Variants in BRSK2 observed in about 807,000 individuals in gnomAD.
BRSK2 encodes BR serine/threonine kinase 2.
BRSK2 carries 19 observed loss-of-function variants against 83.3 expected under a neutral mutation model. That is an observed-to-expected ratio of 0.23 (90% CI 0.16 to 0.33). BRSK2 has a LOEUF of 0.33. Ranked by LOEUF, BRSK2 falls within the 10% of genes least tolerant of loss-of-function variation. BRSK2 has a pLI of 1.00. For synonymous variants in BRSK2, 519 were observed against 435.4 expected (o/e 1.19, Z -2.39); for missense variants, 798 against 1,042.3 (o/e 0.77, Z 3.23).
chr11:1,397,398 T>TC (rs1227582825), intron 1 of BRSK2, among the ~76,000 whole-genome samples: 2 of 152,196 alleles, frequency 1.3e-5, no homozygotes, highest in Non-Finnish European at 2.9e-5. Context: ...GGGCCAGTGT[T>TC]CTGGGCCCAG....
intron 18 of BRSK2, among the ~76,000 whole-genome samples, chr11:1,457,933 G>C (rs570092911): frequency 6.6e-6 from 1 of 152,198 alleles, no homozygotes; most frequent in Non-Finnish European, 1.5e-5. Context: ...CTGGCACAGC[G>C]GGTAAGGAGG....
At chr11:1,453,526 A>G (rs978257554) in intron 15 of BRSK2, among the ~76,000 whole-genome samples, 5 of 152,206 alleles carry the variant, frequency 3.3e-5, no homozygotes, top group African/African-American at 7.2e-5. Context: ...TTTTGAACCC[A>G]GAACAGACAG....
intron 16 of BRSK2, among the ~76,000 whole-genome samples, chr11:1,456,043 C>T (rs1488831860): frequency 2.0e-5 from 3 of 152,218 alleles, no homozygotes; most frequent in Non-Finnish European, 2.9e-5. Flanking sequence ...CTTCCACCTC[C>T]ATCTTTGCCC....
intron 1 of BRSK2, chr11:1,409,852 G>C (rs1385938062): frequency 6.6e-6 from 1 of 152,172 alleles, no homozygotes; most frequent in East Asian, 1.9e-4. Flanking sequence ...GAAGAGCCCT[G>C]CGTGCAGGTG....
At chr11:1,437,252 G>A (rs1044283339) in intron 2 of BRSK2, among the ~76,000 whole-genome samples, 3 of 152,154 alleles carry the variant, frequency 2.0e-5, no homozygotes, top group Non-Finnish European at 2.9e-5. Context: ...GCTGTGCACA[G>A]ATGTCCGCCT....
In BRSK2 at chr11:1,461,053, C is replaced by T; in HGVS notation, c.*330C>T. 6.2e-7 allele frequency: 1 copy of T among 1,604,968 alleles called. No homozygotes were observed. Among genetic ancestry groups the T allele is most frequent in the Non-Finnish European group, 8.5e-7 (1 of 1,175,514 alleles). On this transcript the variant is annotated 3_prime_UTR_variant, in exon 20 of 20. Coordinates refer to ENST00000528841, the MANE Select transcript of BRSK2 (RefSeq NM_001256627.2). ...CAGCTGCTGCGGACCCGCCCTCCCT[C>T]CGCTCCTGCTGTTGCTGCCGGGCAG...
At chr11:1,406,981 G>A (rs998543688) in intron 1 of BRSK2, among the ~76,000 whole-genome samples, 9 of 152,208 alleles carry the variant, frequency 5.9e-5, no homozygotes, top group Admixed American at 2.6e-4. Flanking sequence ...ACGTGTGTGC[G>A]CATGTGTGTG....
chr11:1,433,311 C>T (rs1218046058), intron 1 of BRSK2, among the ~76,000 whole-genome samples: 2 of 152,242 alleles, frequency 1.3e-5, no homozygotes, highest in East Asian at 1.9e-4. Context: ...ACCACAGCCT[C>T]CCTCCTGCTT....
At chr11:1,445,947 C>T (rs1851991670) in intron 12 of BRSK2, 40 bp downstream of exon 12, 2 of 1,569,308 alleles carry the variant, frequency 1.3e-6, no homozygotes, top group South Asian at 1.2e-5. Flanking sequence ...CCTCCCTGGG[C>T]CCTGGCTGCG....
At chr11:1,436,205 CAAGGTTGTGGG>C in intron 2 of BRSK2, 71 bp downstream of exon 2, 1 of 378,926 alleles carries the variant, frequency 2.6e-6, no homozygotes, top group Non-Finnish European at 3.6e-6. Context: ...GGGTGGGAGC[CAAGGTTGTGGG>C]GACCTGCGGT....
intron 19 of BRSK2, chr11:1,459,522 G>A (rs1228448415): frequency 2.1e-6 from 1 of 486,806 alleles, no homozygotes; most frequent in Non-Finnish European, 3.8e-6. Context: ...AAGCCAGTGA[G>A]GGTCCCGCTG....
intron 1 of BRSK2, among the ~76,000 whole-genome samples, chr11:1,401,460 C>T (rs772385812): frequency 3.3e-5 from 5 of 152,214 alleles, no homozygotes; most frequent in Non-Finnish European, 5.9e-5. Context: ...GGTCCAGGGT[C>T]GCTCAGGAGC....
At chr11:1,445,525 G>A (rs932234252) in intron 10 of BRSK2, 46 bp from the exon 11 acceptor site, 15 of 1,601,420 alleles carry the variant, frequency 9.4e-6, no homozygotes, top group African/African-American at 2.7e-5. Context: ...CGGAGGAGCC[G>A]GCGGCCCCGT....
chr11:1,440,747 GCAGCCA>G, intron 3 of BRSK2, 35 bp from the exon 4 acceptor site: 1 of 1,536,822 alleles, frequency 6.5e-7, no homozygotes, highest in Non-Finnish European at 8.8e-7. Context: ...GGGGCGGCGG[GCAGCCA>G]CAGCTGGGCG....
intron 1 of BRSK2, chr11:1,409,822 A>G (rs1164813477): frequency 6.6e-6 from 1 of 152,038 alleles, no homozygotes; most frequent in Non-Finnish European, 1.5e-5. Flanking sequence ...TGAGCGCACC[A>G]GCGGCTCCAA....
chr11:1,436,122 G>T lies in BRSK2; in HGVS notation c.174G>T (p.Ser58=). 6.4e-7 allele frequency: 1 copy of T among 1,563,258 alleles called. No individual in the cohort carries two copies. The highest frequency in any genetic ancestry group is 8.7e-7 in the Non-Finnish European group (1 of 1,153,264). The change falls in exon 2 of 20, where the codon TCG becomes TCT. Residue 58 remains serine (S), a synonymous_variant. Coordinates refer to ENST00000528841, the MANE Select transcript of BRSK2 (RefSeq NM_001256627.2). The stretch of plus-strand genomic sequence containing the variant: ...TCAACCGTGAGAAGCTCAGCGAGTC[G>T]GTGCTGATGAAGGTGGGTGGGGCCG... ...KIVNREKLSE[S]VLMKVEREIA...
chr11:1,453,705 A>G (rs1226710132), intron 15 of BRSK2: 1 of 146,242 alleles, frequency 6.8e-6, no homozygotes, highest in East Asian at 2.0e-4. Flanking sequence ...GGGGCCTCAG[A>G]ATCAGTCGGG....
At chr11:1,401,410 G>A (rs1452300994) in intron 1 of BRSK2, among the ~76,000 whole-genome samples, 8 of 152,216 alleles carry the variant, frequency 5.3e-5, no homozygotes, top group Non-Finnish European at 1.2e-4. Context: ...TCACAACCTG[G>A]AAGAATAGGT....
At chr11:1,425,543 G>T (rs1221981205) in intron 1 of BRSK2, among the ~76,000 whole-genome samples, 8 of 152,306 alleles carry the variant, frequency 5.3e-5, no homozygotes, top group Admixed American at 4.6e-4. Context: ...GGCAGGGCAG[G>T]CCTGTCCAAT....
Sources: allele counts gnomAD v4.1 joint callset (sites outside exome capture counted in the v4.1 genomes callset), GRCh38; gene constraint gnomAD v4.1.1; transcripts MANE v1.5; gene names NCBI Gene and HGNC (gene_info 2026-07-23, HGNC 2026-07-21).